The following PRKCG variants were observed in gnomAD, a reference collection of about 807,000 sequenced individuals.
PRKCG encodes protein kinase C gamma type.
PRKCG carries 28 observed loss-of-function variants against 82.0 expected under a neutral mutation model. The ratio of observed to expected loss-of-function variants is 0.34; its 90% CI spans 0.25 to 0.47. PRKCG has a LOEUF of 0.47. PRKCG is among the 20% of genes least tolerant of loss of function. The probability of loss-of-function intolerance (pLI) is 1.00; values close to 1 mark genes in which losing one functional copy is unlikely to be tolerated. For synonymous variants in PRKCG, 383 were observed against 376.6 expected (o/e 1.02, Z -0.20); for missense variants, 640 against 952.7 (o/e 0.67, Z 4.32).
At position 53,882,310 on chromosome 19, in the gene PRKCG, C is replaced by A; in HGVS notation, c.-185C>A. ...CACTCGCCCGCTCCCCCTGGCGGAGCCGGCGCGCCCGGGGTGCCGCTCCCT... is the reference window on the plus strand; with the variant it reads ...CACTCGCCCGCTCCCCCTGGCGGAGACGGCGCGCCCGGGGTGCCGCTCCCT... On this transcript the variant is annotated 5_prime_UTR_variant, in exon 1 of 18. Coordinates refer to ENST00000263431, the MANE Select transcript of PRKCG (RefSeq NM_002739.5). The surrounding 1 kb of genome is among the most constrained non-coding windows in gnomAD (Gnocchi z 6.1). 1.2e-6 allele frequency: 1 copy of A among 836,618 alleles called. No homozygotes were observed. 51.8% of individuals were successfully genotyped at this position (836,618 alleles called of 1,614,324 possible).
At chr19:53,905,700 A>C (rs1265947543) in intron 16 of PRKCG, among the ~76,000 whole-genome samples, 33 of 33,160 alleles carry the variant, frequency 1.0e-3, no homozygotes, top group African/African-American at 1.6e-3. Flanking sequence ...CCCTCCCCCT[A>C]CCGACCTCCC....
chr19:53,892,347 C>A lies in PRKCG; in HGVS notation c.687-162C>A, dbSNP rs1465130291. ...TTTACTTCAGGCCCCAAAGCCCTAG[C>A]TGGAGAGAGAGCCCGGCTGGGAAGG... is the stretch of plus-strand genomic sequence containing the variant. On this transcript the variant is annotated intron_variant, in intron 6 of 17. Coordinates refer to ENST00000263431, the MANE Select transcript of PRKCG (RefSeq NM_002739.5). The surrounding 1 kb of genome is among the most constrained non-coding windows in gnomAD (Gnocchi z 5.9). Among the ~76,000 whole-genome samples, 4 of 152,180 alleles carry A rather than the reference C, an allele frequency of 2.6e-5. No homozygotes were observed. In the South Asian group the frequency reaches 8.3e-4, roughly 31 times the overall value.
At position 53,907,266 on chromosome 19, in the gene PRKCG, T is replaced by G; in HGVS notation, c.*371T>G. The stretch of plus-strand genomic sequence containing the variant: ...AGACCCCGCCCCTGGGGAAATAGCC[T>G]CACGGGGTTGGCTGTTCCAGACTCA... On this transcript the variant is annotated 3_prime_UTR_variant, in exon 18 of 18. Coordinates refer to ENST00000263431, the MANE Select transcript of PRKCG (RefSeq NM_002739.5). 1 of 345,950 alleles carries G rather than the reference T, an allele frequency of 2.9e-6. No individual in the cohort carries two copies. Among genetic ancestry groups the G allele is most frequent in the East Asian group, 7.0e-5 (1 of 14,280 alleles). 21.4% of individuals were successfully genotyped at this position (345,950 alleles called of 1,614,324 possible).
chr19:53,903,303 G>GTGTTTTGTTTTGTTT, intron 15 of PRKCG, 150 bp downstream of exon 15: 1 of 744,430 alleles, frequency 1.3e-6, no homozygotes, highest in Non-Finnish European at 2.4e-6. Flanking sequence ...TGTAGACCAG[G>GTGTTTTGTTTTGTTT]TGTTTTGTTT....
intron 11 of PRKCG, among the ~76,000 whole-genome samples, 180 bp downstream of exon 11, chr19:53,898,808 C>G (rs541362533): frequency 2.0e-5 from 1 of 50,438 alleles, no homozygotes; most frequent in African/African-American, 7.9e-5. Context: ...GGGGGCGTGG[C>G]CAGGCGAAGG....
intron 16 of PRKCG, 143 bp downstream of exon 16, chr19:53,904,885 T>C (rs1028501193): frequency 1.8e-5 from 13 of 731,730 alleles, no homozygotes; most frequent in Non-Finnish European, 2.9e-5. Context: ...GCATAGGTTT[T>C]GTTAGAACAA....
rs2068604933 is a variant in PRKCG at position 53,883,083 on chromosome 19, C to A, written c.171-80C>A. 1 of 1,560,180 alleles carries A rather than the reference C, an allele frequency of 6.4e-7. No homozygotes were observed. Among genetic ancestry groups the A allele is most frequent in the Non-Finnish European group, 8.8e-7 (1 of 1,131,478 alleles). The stretch of plus-strand genomic sequence containing the variant: ...GCCCTGCGGGAGGAGGGTCAGAGAG[C>A]GCAGGCCCCCTGTGGCTCGCAGAGG... On this transcript the variant is annotated intron_variant, in intron 1 of 17. Coordinates refer to ENST00000263431, the MANE Select transcript of PRKCG (RefSeq NM_002739.5). This position sits in a 1 kb window ranked among gnomAD's most constrained non-coding sequence, Gnocchi z 5.4.
chr19:53,894,919 T>C (rs2068707070), intron 9 of PRKCG, among the ~76,000 whole-genome samples: 1 of 152,176 alleles, frequency 6.6e-6, no homozygotes, highest in South Asian at 2.1e-4. Context: ...CCTCAGGCAC[T>C]GGGGCGTCCC....
chr19:53,883,053 C>T lies in PRKCG; in HGVS notation c.171-110C>T. The T allele has an allele frequency of 7.0e-7, 1 of 1,423,608 alleles. No individual in the cohort carries two copies. Among genetic ancestry groups the T allele is most frequent in the Non-Finnish European group, 9.9e-7 (1 of 1,009,024 alleles). 88.2% of individuals were successfully genotyped at this position (1,423,608 alleles called of 1,614,324 possible). A position where few individuals can be genotyped will look rare whatever the true frequency, so the allele number is the denominator to read the frequency against. On this transcript the variant is annotated intron_variant, in intron 1 of 17. Transcript: ENST00000263431. The surrounding 1 kb of genome is among the most constrained non-coding windows in gnomAD (Gnocchi z 5.4). ...AGAGGAGGTGGCCGGGGCTTGGACA[C>T]CTGGGCCCTGCGGGAGGAGGGTCAG...
At chr19:53,887,627 C>G (rs371871) in intron 3 of PRKCG, among the ~76,000 whole-genome samples, 2 of 146,792 alleles carry the variant, frequency 1.4e-5, no homozygotes, top group Non-Finnish European at 3.0e-5. Context: ...TCAGGAGATC[C>G]AAACCATCCT....
At chr19:53,885,757 A>G (rs571150686) in intron 3 of PRKCG, among the ~76,000 whole-genome samples, 1 of 152,232 alleles carries the variant, frequency 6.6e-6, no homozygotes, top group South Asian at 2.1e-4. Flanking sequence ...AGCTGAAAAT[A>G]ACAGAAGTCT....
rs1284154205 is a variant in PRKCG, at chr19:53,882,825, T to G, written c.170+161T>G. Reference sequence around the variant, plus strand: ...GGGAGCTTCGACTCCTGGGTTTCAGTGAGGAGGAGGCTGGTTCCTGGAGTG... The same window carrying G: ...GGGAGCTTCGACTCCTGGGTTTCAGGGAGGAGGAGGCTGGTTCCTGGAGTG... On this transcript the variant is annotated intron_variant, in intron 1 of 17. Transcript: ENST00000263431. This position sits in a 1 kb window ranked among gnomAD's most constrained non-coding sequence, Gnocchi z 6.1. Among the ~76,000 whole-genome samples, 1 of 151,432 alleles carries G rather than the reference T, an allele frequency of 6.6e-6. No individual in the cohort carries two copies. The highest frequency in any genetic ancestry group is 1.5e-5 in the Non-Finnish European group (1 of 67,830).
Position 53,893,026 on chromosome 19 carries a change from A to G in PRKCG, c.860A>G (p.Asn287Ser), listed in dbSNP as rs766753334. The G allele has an allele frequency of 4.3e-6, 7 of 1,613,846 alleles. No homozygotes were observed. Among genetic ancestry groups the G allele is most frequent in the Admixed American group, 3.3e-5 (2 of 59,990 alleles). ...LLNQEEGEYY[N>S]VPVADADNCS... ...AACCAGGAGGAGGGCGAGTATTACA[A>G]TGTGCCGGTGGCCGATGCTGACAAC... Residue 287 changes from asparagine (N) to serine (S), a missense_variant, in exon 8 of 18, where the codon AAT (asparagine) becomes AGT (serine). Physicochemically the swap from Asn to Ser is conservative, Grantham distance 46. Around this residue, in one of 7 missense-constraint regions of PRKCG, gnomAD observed 261 missense variants for 312.1 expected, o/e 0.84. Coordinates refer to ENST00000263431, the MANE Select transcript of PRKCG (RefSeq NM_002739.5).
rs937598781 is a variant in PRKCG, at chr19:53,884,399, G to A, written c.285+156G>A. ...ATCTGGCCCAGATTCCTTGCCCTTG[G>A]CCTGGAAAGGGGGAATGCGAGGGGG... On this transcript the variant is annotated intron_variant, in intron 3 of 17. Transcript: ENST00000263431. This position sits in a 1 kb window ranked among gnomAD's most constrained non-coding sequence, Gnocchi z 4.6. Among the ~76,000 whole-genome samples the A allele has an allele frequency of 1.2e-4, 18 of 151,934 alleles. 1 individual carries two copies. The highest frequency in any genetic ancestry group is 1.5e-5 in the Non-Finnish European group (1 of 67,982).
At chr19:53,887,326 C>T (rs950025303) in intron 3 of PRKCG, among the ~76,000 whole-genome samples, 9 of 151,818 alleles carry the variant, frequency 5.9e-5, no homozygotes, top group African/African-American at 2.2e-4. Flanking sequence ...GGAGAAGCCA[C>T]GTGTCTACTA....
At position 53,900,428 on chromosome 19, in the gene PRKCG, G is replaced by T; in HGVS notation, c.1383G>T (p.Ala461=). Reference sequence around the variant, plus strand: ...CCACCCCGTCCTCCAGGTTCTACGCGGCAGAAATCGCTATCGGCCTCTTCT... The same window carrying T: ...CCACCCCGTCCTCCAGGTTCTACGCTGCAGAAATCGCTATCGGCCTCTTCT... The part of the protein sequence containing the change: ...KFKEPHAAFY[A]AEIAIGLFFL... The change falls in exon 13 of 18, where the codon GCG becomes GCT. Residue 461 remains alanine, a synonymous_variant. Coordinates refer to ENST00000263431, the MANE Select transcript of PRKCG (RefSeq NM_002739.5). This position sits in a 1 kb window ranked among gnomAD's most constrained non-coding sequence, Gnocchi z 4.2. 1.2e-6 allele frequency: 2 copies of T among 1,614,094 alleles called. No individual in the cohort carries two copies. The highest frequency in any genetic ancestry group is 1.7e-6 in the Non-Finnish European group (2 of 1,180,022).
chr19:53,906,285 T>G, intron 16 of PRKCG, 32 bp from the exon 17 acceptor site: 1 of 1,550,876 alleles, frequency 6.4e-7, no homozygotes, highest in Non-Finnish European at 8.7e-7. Flanking sequence ...TCTGTCTGTT[T>G]GTCTGTCTGT....
chr19:53,881,178 A>ATG (rs2122970182), upstream of PRKCG, among the ~76,000 whole-genome samples: 1 of 152,326 alleles, frequency 6.6e-6, no homozygotes, highest in East Asian at 1.9e-4. Context: ...ACAAGTACAG[A>ATG]GAAACAGATG....
In PRKCG at chr19:53,903,079, G is replaced by T; in HGVS notation, c.1582G>T (p.Ala528Ser). ...TPDYIAPEII[A>S]YQPYGKSVDW... is the part of the protein sequence containing the mutation. ...TGCCTTCCACCTCCCCTAGATCATTGCCTACCAGCCCTATGGGAAGTCTGT... is the reference window on the plus strand; with the variant it reads ...TGCCTTCCACCTCCCCTAGATCATTTCCTACCAGCCCTATGGGAAGTCTGT... The change falls in exon 15 of 18, where the codon GCC (alanine) becomes TCC (serine). Residue 528 changes from alanine to serine, a missense_variant. Coordinates refer to ENST00000263431, the MANE Select transcript of PRKCG (RefSeq NM_002739.5). 1 of 1,613,190 alleles carries T rather than the reference G, an allele frequency of 6.2e-7. No individual in the cohort carries two copies. Among genetic ancestry groups the T allele is most frequent in the Non-Finnish European group, 8.5e-7 (1 of 1,179,304 alleles).
Sources: gnomAD v4.1 joint callset for allele counts (sites outside exome capture counted in the v4.1 genomes callset) on GRCh38, gnomAD v4.1.1 for gene constraint, gnomAD v4.1.1 regional missense constraint, Gnocchi (gnomAD v3.1) non-coding constraint, MANE v1.5 for transcripts, NCBI Gene and HGNC (gene_info 2026-07-23, HGNC 2026-07-21) for gene names.